Variants in MAF observed in about 807,000 individuals in gnomAD.
The protein encoded by MAF is MAF bZIP transcription factor.
Under a neutral mutation model 22.0 loss-of-function variants are expected in MAF, and 10 were observed. The ratio of observed to expected loss-of-function variants is 0.45; its 90% CI spans 0.28 to 0.77. The LOEUF (loss-of-function observed/expected upper bound fraction) is 0.77, where lower values mean the gene tolerates loss of function less well. Ranked by LOEUF, MAF falls within the 30% of genes least tolerant of loss-of-function variation. The pLI, the probability that MAF is intolerant of heterozygous loss-of-function variation, is 0.12. For synonymous variants in MAF, 337 were observed against 255.8 expected (o/e 1.32, Z -3.03); for missense variants, 544 against 548.4 (o/e 0.99, Z 0.08).
chr16:79,247,080 C>A, the MAF span, among the ~76,000 whole-genome samples: 1 of 152,084 alleles, frequency 6.6e-6, no homozygotes, highest in Non-Finnish European at 1.5e-5. Flanking sequence ...TGGGCAAGTG[C>A]CGGGCAAGGG....
At chr16:79,362,203 G>C in the MAF span, among the ~76,000 whole-genome samples, 2 of 152,216 alleles carry the variant, frequency 1.3e-5, no homozygotes, top group Non-Finnish European at 2.9e-5. Context: ...TAAGTATGTA[G>C]ACAAATGCCT....
chr16:79,514,934 C>G, the MAF span, among the ~76,000 whole-genome samples: 5 of 152,214 alleles, frequency 3.3e-5, no homozygotes, highest in African/African-American at 4.8e-5. Context: ...CCCTAGGACT[C>G]TCTCTGGGCT....
the MAF span, among the ~76,000 whole-genome samples, chr16:79,207,794 TTTTC>T: frequency 6.6e-6 from 1 of 151,924 alleles, no homozygotes; most frequent in Non-Finnish European, 1.5e-5. Flanking sequence ...GGTGCTTTTT[TTTTC>T]TTTACCATAT....
At chr16:79,409,617 C>G in the MAF span, among the ~76,000 whole-genome samples, 6 of 152,198 alleles carry the variant, frequency 3.9e-5, no homozygotes, top group African/African-American at 1.2e-4. Flanking sequence ...TAACCCTCAG[C>G]CAAACCCAGC....
chr16:79,393,257 C>T, the MAF span, among the ~76,000 whole-genome samples: 5 of 151,638 alleles, frequency 3.3e-5, no homozygotes, highest in South Asian at 2.1e-4. Flanking sequence ...GCTGTACCTA[C>T]AGACTGGATT....
the MAF span, among the ~76,000 whole-genome samples, chr16:79,479,105 C>T: frequency 6.6e-6 from 1 of 151,866 alleles, no homozygotes; most frequent in African/African-American, 2.4e-5. Flanking sequence ...CGTGCACCAC[C>T]CCAGCATATC....
chr16:79,458,868 G>T, the MAF span, among the ~76,000 whole-genome samples: 1 of 152,156 alleles, frequency 6.6e-6, no homozygotes, highest in Non-Finnish European at 1.5e-5. Flanking sequence ...TCCCTGAGGA[G>T]GTCTCACTGT....
At chr16:79,507,114 C>CTTTTTTTTTTTTTTTTT in the MAF span, among the ~76,000 whole-genome samples, 1 of 115,214 alleles carries the variant, frequency 8.7e-6, no homozygotes, top group Non-Finnish European at 1.9e-5. Flanking sequence ...TTTTCTGCGT[C>CTTTTTTTTTTTTTTTTT]TTTTTTTTTT....
At chr16:79,473,582 C>T in the MAF span, among the ~76,000 whole-genome samples, 6 of 152,152 alleles carry the variant, frequency 3.9e-5, no homozygotes, top group South Asian at 2.1e-4. Flanking sequence ...ACCCACTGCA[C>T]GATTCAGGGC....
the MAF span, among the ~76,000 whole-genome samples, chr16:79,207,232 A>G: frequency 1 from 151,762 of 152,360 alleles, 75,585 homozygotes; most frequent in Middle Eastern, 1. Flanking sequence ...CACAGAGTCA[A>G]TGGATAAGGT....
chr16:79,269,538 A>C, the MAF span, among the ~76,000 whole-genome samples: 7 of 152,204 alleles, frequency 4.6e-5, no homozygotes, highest in Non-Finnish European at 7.3e-5. Flanking sequence ...CTTTAAAAAA[A>C]AATCTAAGTT....
chr16:79,208,819 A>G, the MAF span, among the ~76,000 whole-genome samples: 1 of 152,172 alleles, frequency 6.6e-6, no homozygotes, highest in African/African-American at 2.4e-5. Context: ...TGTCACTCAG[A>G]GGTTGCCATT....
the MAF span, among the ~76,000 whole-genome samples, chr16:79,466,606 G>A: frequency 6.6e-6 from 1 of 152,164 alleles, no homozygotes; most frequent in African/African-American, 2.4e-5. Flanking sequence ...CACACCTGGT[G>A]GTCAGCAAAG....
chr16:79,219,099 C>T, the MAF span, among the ~76,000 whole-genome samples: 24 of 152,328 alleles, frequency 1.6e-4, 1 homozygote, highest in African/African-American at 4.3e-4. Flanking sequence ...CCTGCTGCAT[C>T]TTAGGCGTGA....
chr16:79,479,231 C>A, the MAF span, among the ~76,000 whole-genome samples: 21 of 152,210 alleles, frequency 1.4e-4, no homozygotes, highest in African/African-American at 5.1e-4. Flanking sequence ...CATGCACAAC[C>A]CCAGCCTACC....
At chr16:79,217,934 A>T in the MAF span, among the ~76,000 whole-genome samples, 2 of 137,972 alleles carry the variant, frequency 1.4e-5, no homozygotes, top group African/African-American at 5.5e-5. Flanking sequence ...CTTGGCTTGC[A>T]ATATCACTGC....
chr16:79,377,803 G>C, the MAF span, among the ~76,000 whole-genome samples: 50 of 152,214 alleles, frequency 3.3e-4, no homozygotes, highest in African/African-American at 1.1e-3. Context: ...CCCATTTCTT[G>C]TTTTTGTCAG....
chr16:79,344,610 G>C, the MAF span, among the ~76,000 whole-genome samples: 3 of 152,160 alleles, frequency 2.0e-5, no homozygotes, highest in African/African-American at 4.8e-5. Flanking sequence ...CTTGGAAACT[G>C]TCTATATAAT....
the MAF span, among the ~76,000 whole-genome samples, chr16:79,446,574 G>C: frequency 1.9e-4 from 29 of 152,088 alleles, no homozygotes; most frequent in African/African-American, 6.8e-4. Context: ...CCCCATTATG[G>C]GCTAAAGGGA....
Sources: allele counts gnomAD v4.1 joint callset (sites outside exome capture counted in the v4.1 genomes callset), GRCh38; gene constraint gnomAD v4.1.1; transcripts MANE v1.5; gene names NCBI Gene and HGNC (gene_info 2026-07-23, HGNC 2026-07-21).